Variants in C3orf20 observed in about 807,000 individuals in gnomAD.
C3orf20 encodes family with sequence similarity 149 member C, also known as uncharacterized protein C3orf20.
In C3orf20, 76 loss-of-function variants were observed where a neutral mutation model predicts 88.3. The ratio of observed to expected loss-of-function variants is 0.86; its 90% CI spans 0.72 to 1.04. C3orf20 has a LOEUF of 1.04. Among genes scored for constraint, C3orf20 ranks in the 50% least tolerant of loss-of-function variants. The pLI, the probability that C3orf20 is intolerant of heterozygous loss-of-function variation, is 0.00. For synonymous variants in C3orf20, 436 were observed against 437.4 expected, an observed-to-expected ratio of 1.00 and a Z score of 0.04; for missense variants, 1,056 against 1,123.3, an observed-to-expected ratio of 0.94 and a Z score of 0.86.
Position 14,703,268 on chromosome 3 carries a change from C to T in C3orf20, c.878+6C>T. On this transcript the variant is annotated splice_donor_region_variant and intron_variant, in intron 6 of 16. Transcript: ENST00000253697. ...CAGGAGTTGTGTCGCCACATGTGAG[C>T]ACCTCAGTGCTTGGGTCGGGGGAGT... 1 of 1,614,012 alleles carries T rather than the reference C, an allele frequency of 6.2e-7. No homozygotes were observed. The highest frequency in any genetic ancestry group is 8.5e-7 in the Non-Finnish European group (1 of 1,180,010).
In C3orf20 at chr3:14,757,413, C is replaced by T; in HGVS notation, c.1983C>T (p.Ala661=). The T allele has an allele frequency of 6.2e-7, 1 of 1,612,028 alleles. No homozygotes were observed. The highest frequency in any genetic ancestry group is 8.5e-7 in the Non-Finnish European group (1 of 1,179,876). Residue 661 remains alanine (A), a synonymous_variant, in exon 13 of 17, where the codon GCC becomes GCT. Transcript: ENST00000253697. ...GGCGCAGCCCCACCAGGTGGGCGGCCTTGCCCTCAGACTGCCCGCTGGTGC... is the reference window on the plus strand; with the variant it reads ...GGCGCAGCCCCACCAGGTGGGCGGCTTTGCCCTCAGACTGCCCGCTGGTGC... ...REGRSPTRWA[A]LPSDCPLVLR...
At chr3:14,683,828 A>T (rs2032242753) in intron 3 of C3orf20, among the ~76,000 whole-genome samples, 1 of 148,214 alleles carries the variant, frequency 6.7e-6, no homozygotes, top group Admixed American at 6.9e-5. Flanking sequence ...GTGAGCCAAG[A>T]TCATGCCACT....
chr3:14,705,147 A>T (rs1337599086), intron 7 of C3orf20, among the ~76,000 whole-genome samples: 1 of 152,252 alleles, frequency 6.6e-6, no homozygotes, highest in Non-Finnish European at 1.5e-5. Flanking sequence ...GACTGGGCTC[A>T]TGAGCATAGT....
chr3:14,761,749 G>A (rs1052220664), intron 15 of C3orf20, 134 bp downstream of exon 15: 1 of 875,674 alleles, frequency 1.1e-6, no homozygotes, highest in Non-Finnish European at 1.7e-6. Context: ...GGGGGCTGGA[G>A]GTGGGAAGCC....
At chr3:14,685,337 G>A (rs1273999589) in intron 4 of C3orf20, among the ~76,000 whole-genome samples, 1 of 152,118 alleles carries the variant, frequency 6.6e-6, no homozygotes, top group Non-Finnish European at 1.5e-5. Flanking sequence ...GGGGAAATTC[G>A]AGGAAGTGAT....
At chr3:14,709,029 A>G (rs1045279182) in intron 7 of C3orf20, among the ~76,000 whole-genome samples, 2 of 152,220 alleles carry the variant, frequency 1.3e-5, no homozygotes, top group Non-Finnish European at 2.9e-5. Flanking sequence ...GCAATGAACA[A>G]AAGGAAATTA....
chr3:14,734,606 G>A (rs2034645394), intron 12 of C3orf20, among the ~76,000 whole-genome samples: 1 of 152,072 alleles, frequency 6.6e-6, no homozygotes, highest in Non-Finnish European at 1.5e-5. Flanking sequence ...TTATGGCCCA[G>A]CACATAGTCA....
chr3:14,720,293 A>G (rs572255332), intron 9 of C3orf20, among the ~76,000 whole-genome samples: 19 of 152,194 alleles, frequency 1.2e-4, no homozygotes, highest in African/African-American at 3.1e-4. Context: ...GCCTCCCAAA[A>G]TGCTGGGATT....
In C3orf20 at chr3:14,753,275, G is replaced by C. The variant is rs576868577; in HGVS notation, c.1941-4096G>C. On this transcript the variant is annotated intron_variant, in intron 12 of 16. Transcript: ENST00000253697. The stretch of plus-strand genomic sequence containing the variant: ...ACACCACATGTTGTCACTCATAAGT[G>C]GGAGTTGAACAATGAGAACACATGG... 1.6e-3 allele frequency among the ~76,000 whole-genome samples: 247 copies of C among 152,272 alleles called. 1 individual carries two copies. The highest frequency in any genetic ancestry group is 5.8e-3 in the African/African-American group (239 of 41,544).
intron 5 of C3orf20, among the ~76,000 whole-genome samples, chr3:14,697,600 G>A (rs1168188260): frequency 1.3e-5 from 2 of 151,778 alleles, no homozygotes; most frequent in Admixed American, 6.6e-5. Flanking sequence ...TGTGCACAAT[G>A]TGCAGGTTTG....
rs1207356590 is a variant in C3orf20 at position 14,701,838 on chromosome 3, T to A, written c.746-1292T>A. On this transcript the variant is annotated intron_variant, in intron 5 of 16. Coordinates refer to ENST00000253697, the MANE Select transcript of C3orf20 (RefSeq NM_032137.5). The surrounding 1 kb of genome is among the most constrained non-coding windows in gnomAD (Gnocchi z 4.6). ...ACCCGGGGAGACATGGCCAGTCTCA[T>A]CACTTTGCACAAGTCAGTCCCTGAC... Among the ~76,000 whole-genome samples the A allele has an allele frequency of 6.6e-6, 1 of 152,164 alleles. No homozygotes were observed. Among genetic ancestry groups the A allele is most frequent in the African/African-American group, 2.4e-5 (1 of 41,436 alleles).
intron 12 of C3orf20, among the ~76,000 whole-genome samples, chr3:14,747,154 G>C (rs1315078612): frequency 6.6e-6 from 1 of 152,194 alleles, no homozygotes; most frequent in Non-Finnish European, 1.5e-5. Flanking sequence ...TATTAGGTTA[G>C]GTTCTGTCAA....
intron 7 of C3orf20, among the ~76,000 whole-genome samples, 167 bp from the exon 8 acceptor site, chr3:14,713,840 C>G (rs1054523592): frequency 6.6e-6 from 1 of 152,118 alleles, no homozygotes; most frequent in Non-Finnish European, 1.5e-5. Flanking sequence ...TCGTTGGGTT[C>G]CATAATCATA....
chr3:14,680,010 A>G (rs772853001), intron 1 of C3orf20, among the ~76,000 whole-genome samples: 1 of 152,254 alleles, frequency 6.6e-6, no homozygotes, highest in Non-Finnish European at 1.5e-5. Context: ...TCAAAAAGGC[A>G]TAATAACAAG....
At chr3:14,766,030 C>A (rs1424458838) in intron 15 of C3orf20, among the ~76,000 whole-genome samples, 1 of 152,194 alleles carries the variant, frequency 6.6e-6, no homozygotes, top group African/African-American at 2.4e-5. Flanking sequence ...GTCTGCAGGG[C>A]CTCTGGGAGT....
At chr3:14,711,380 C>G (rs2033731319) in intron 7 of C3orf20, among the ~76,000 whole-genome samples, 1 of 152,044 alleles carries the variant, frequency 6.6e-6, no homozygotes, top group African/African-American at 2.4e-5. Context: ...GTTACATATT[C>G]TTAAGGCATT....
Position 14,684,601 on chromosome 3 carries a change from A to T in C3orf20, c.625+219A>T, listed in dbSNP as rs1471026315. 2.0e-5 allele frequency among the ~76,000 whole-genome samples: 3 copies of T among 152,076 alleles called. No individual in the cohort carries two copies. In the East Asian group the frequency reaches 5.8e-4, roughly 29 times the overall value. On this transcript the variant is annotated intron_variant, in intron 4 of 16. Coordinates refer to ENST00000253697, the MANE Select transcript of C3orf20 (RefSeq NM_032137.5). ...TATCTGCTGAGTGGGCAACAGCTAC[A>T]CCTCACAACCCAGCAGCTCCTCTTA... is the stretch of plus-strand genomic sequence containing the variant.
intron 15 of C3orf20, among the ~76,000 whole-genome samples, chr3:14,770,215 C>A (rs1043142749): frequency 3.9e-5 from 6 of 152,138 alleles, no homozygotes; most frequent in Non-Finnish European, 8.8e-5. Flanking sequence ...CTAAGAGAGG[C>A]GTTTAAAGGG....
rs1428135651 is a variant in C3orf20 at position 14,719,994 on chromosome 3, GT to G, written c.1435-1651del. ...TAGAAGGAGGACAAGAGAGAGGAGG[GT>G]TTTTTTTGTTTTTTTGTTTTGTTTT... is the stretch of plus-strand genomic sequence containing the variant. On this transcript the variant is annotated intron_variant, in intron 9 of 16. Transcript: ENST00000253697. 4.0e-5 allele frequency among the ~76,000 whole-genome samples: 6 copies of G among 148,488 alleles called. No individual in the cohort carries two copies. In the South Asian group the frequency reaches 1.3e-3, roughly 33 times the overall value.
Sources: allele counts gnomAD v4.1 joint callset (sites outside exome capture counted in the v4.1 genomes callset), GRCh38; gene constraint gnomAD v4.1.1; non-coding constraint Gnocchi (gnomAD v3.1); transcripts MANE v1.5; gene names NCBI Gene and HGNC (gene_info 2026-07-23, HGNC 2026-07-21).